Variants in TMEM117 observed in about 807,000 individuals in gnomAD.
TMEM117 encodes transmembrane protein 117.
A neutral mutation model predicts 52.4 loss-of-function variants in TMEM117; 27 were observed. The observed-to-expected ratio is 0.51, with a 90% CI of 0.38 to 0.71. The LOEUF (loss-of-function observed/expected upper bound fraction) is 0.71. Among genes scored for constraint, TMEM117 ranks in the 30% least tolerant of loss-of-function variants. TMEM117 has a pLI of 0.00. For synonymous variants in TMEM117, 215 were observed against 206.3 expected (o/e 1.04, Z -0.36); for missense variants, 556 against 630.5 (o/e 0.88, Z 1.26).
At chr12:44,224,277 A>G (rs994579158) in intron 5 of TMEM117, among the ~76,000 whole-genome samples, 3 of 152,124 alleles carry the variant, frequency 2.0e-5, no homozygotes, top group Non-Finnish European at 4.4e-5. Flanking sequence ...TCTTTTATCT[A>G]TACATCTTTG....
intron 3 of TMEM117, among the ~76,000 whole-genome samples, chr12:44,117,763 A>G (rs547196637): frequency 1.3e-5 from 2 of 152,102 alleles, no homozygotes; most frequent in South Asian, 4.2e-4. Flanking sequence ...GTGGTCAGCC[A>G]TTATTGTTTG....
At chr12:43,927,587 T>C (rs1944800152) in intron 2 of TMEM117, among the ~76,000 whole-genome samples, 1 of 151,946 alleles carries the variant, frequency 6.6e-6, no homozygotes, top group African/African-American at 2.4e-5. Flanking sequence ...ATCTTATTTA[T>C]ATAATCTATC....
rs187652613 is a variant in TMEM117, at chr12:44,378,224, C to T, written c.898+1500C>T. Among the ~76,000 whole-genome samples the T allele has an allele frequency of 1.1e-3, 161 of 150,824 alleles. 1 individual carries two copies. The highest frequency in any genetic ancestry group is 3.7e-3 in the African/African-American group (153 of 41,014). ...TTGTCAAAAATATCCTGCTTAAGTA[C>T]AGAACTTCAGGTTAAAAAAGGAAAA... On this transcript the variant is annotated intron_variant, in intron 7 of 7. Coordinates refer to ENST00000266534, the MANE Select transcript of TMEM117 (RefSeq NM_032256.3).
chr12:44,315,433 G>T (rs868511184), intron 6 of TMEM117, among the ~76,000 whole-genome samples: 1 of 152,166 alleles, frequency 6.6e-6, no homozygotes, highest in African/African-American at 2.4e-5. Flanking sequence ...TCATCCAAGA[G>T]ATTTTGCTAT....
the TMEM117 span, among the ~76,000 whole-genome samples, chr12:43,828,020 C>T: frequency 6.6e-6 from 1 of 152,296 alleles, no homozygotes. Flanking sequence ...AGATTCTCTT[C>T]TAGAACCTTC....
At chr12:44,381,320 A>G (rs955372265) in intron 7 of TMEM117, among the ~76,000 whole-genome samples, 2 of 152,182 alleles carry the variant, frequency 1.3e-5, no homozygotes, top group African/African-American at 2.4e-5. Context: ...CTGTATAATG[A>G]TCTTCTCTGC....
At chr12:44,332,253 T>A (rs1045112438) in intron 6 of TMEM117, among the ~76,000 whole-genome samples, 1 of 152,102 alleles carries the variant, frequency 6.6e-6, no homozygotes, top group South Asian at 2.1e-4. Flanking sequence ...TGCATAGTTT[T>A]ATTTTAATAG....
At chr12:44,084,665 G>A (rs983387272) in intron 3 of TMEM117, among the ~76,000 whole-genome samples, 2 of 152,040 alleles carry the variant, frequency 1.3e-5, no homozygotes, top group South Asian at 4.1e-4. Flanking sequence ...CCCAAGATCT[G>A]TCCTTTTCAG....
rs544528125 is a variant in TMEM117 at position 43,978,226 on chromosome 12, A to G, written c.410+33884A>G. Among the ~76,000 whole-genome samples the G allele has an allele frequency of 3.3e-5, 5 of 152,284 alleles. No individual in the cohort carries two copies. The South Asian group carries it at 8.3e-4, about 25-fold the overall frequency. On this transcript the variant is annotated intron_variant, in intron 3 of 7. Coordinates refer to ENST00000266534, the MANE Select transcript of TMEM117 (RefSeq NM_032256.3). ...ATTACTGTAAGCCAGTGGGCCAGGC[A>G]GTGAGCTGTGGGCTTGAATATGTGT...
At chr12:44,325,053 G>T (rs978063316) in intron 6 of TMEM117, among the ~76,000 whole-genome samples, 20 of 152,072 alleles carry the variant, frequency 1.3e-4, no homozygotes, top group African/African-American at 4.8e-4. Flanking sequence ...CCAACAAAGA[G>T]GACTGTATTT....
chr12:44,095,905 T>C (rs1947751834), intron 3 of TMEM117, among the ~76,000 whole-genome samples: 1 of 152,058 alleles, frequency 6.6e-6, no homozygotes, highest in South Asian at 2.1e-4. Flanking sequence ...GGTATTCAAT[T>C]AGGAAAAGAG....
chr12:43,890,822 G>A (rs1156400010), intron 2 of TMEM117, among the ~76,000 whole-genome samples: 1 of 152,088 alleles, frequency 6.6e-6, no homozygotes, highest in South Asian at 2.1e-4. Flanking sequence ...GAGCCACTGC[G>A]CCCAGCCCCA....
chr12:44,184,639 C>T (rs1041327241), intron 4 of TMEM117, among the ~76,000 whole-genome samples: 1 of 152,166 alleles, frequency 6.6e-6, no homozygotes, highest in African/African-American at 2.4e-5. Context: ...AGTCCTACAG[C>T]TGCATGGGAC....
intron 4 of TMEM117, among the ~76,000 whole-genome samples, chr12:44,144,340 G>T (rs760013935): frequency 1.1e-4 from 17 of 152,114 alleles, no homozygotes; most frequent in Non-Finnish European, 2.2e-4. Context: ...CTCACAAAAT[G>T]CAAAGAACAT....
At chr12:44,094,718 G>T (rs943533311) in intron 3 of TMEM117, among the ~76,000 whole-genome samples, 1 of 151,902 alleles carries the variant, frequency 6.6e-6, no homozygotes. Context: ...CATCCAAGTC[G>T]ATATTTCTAA....
At chr12:44,310,446 C>T (rs910492467) in intron 6 of TMEM117, among the ~76,000 whole-genome samples, 4 of 152,140 alleles carry the variant, frequency 2.6e-5, no homozygotes, top group Non-Finnish European at 5.9e-5. Context: ...CAAGACCAGC[C>T]TGATCAACAT....
chr12:43,949,236 G>GTACA (rs1407837062), intron 3 of TMEM117, among the ~76,000 whole-genome samples: 1 of 152,076 alleles, frequency 6.6e-6, no homozygotes, highest in Non-Finnish European at 1.5e-5. Context: ...ATGAAAGGAA[G>GTACA]TACAGTACAC....
At chr12:44,017,193 C>T (rs1946384963) in intron 3 of TMEM117, among the ~76,000 whole-genome samples, 1 of 145,946 alleles carries the variant, frequency 6.9e-6, no homozygotes, top group South Asian at 2.1e-4. Context: ...TTTCCACCTA[C>T]ACTTTTCACA....
chr12:43,934,205 GTAT>G (rs1019347843), intron 2 of TMEM117, among the ~76,000 whole-genome samples: 1 of 152,094 alleles, frequency 6.6e-6, no homozygotes, highest in African/African-American at 2.4e-5. Context: ...GTAATATGTA[GTAT>G]TAATATAGCA....
Sources: allele counts gnomAD v4.1 joint callset (sites outside exome capture counted in the v4.1 genomes callset), GRCh38; gene constraint gnomAD v4.1.1; transcripts MANE v1.5; gene names NCBI Gene and HGNC (gene_info 2026-07-23, HGNC 2026-07-21).